Variants in CCDC149 observed in about 807,000 individuals in gnomAD.
CCDC149 encodes coiled-coil domain containing 149, also known as coiled-coil domain-containing protein 149.
A neutral mutation model predicts 59.9 loss-of-function variants in CCDC149; 45 were observed. The observed-to-expected ratio is 0.75, with a 90% CI of 0.59 to 0.96. The LOEUF (loss-of-function observed/expected upper bound fraction) is 0.96, where lower values mean the gene tolerates loss of function less well. Among genes scored for constraint, CCDC149 ranks in the 40% least tolerant of loss-of-function variants. CCDC149 has a pLI of 0.00. For synonymous variants in CCDC149, 245 were observed against 260.6 expected, an observed-to-expected ratio of 0.94 and a Z score of 0.58; for missense variants, 584 against 664.7, an observed-to-expected ratio of 0.88 and a Z score of 1.33.
Position 24,819,891 on chromosome 4 carries a change from T to C in CCDC149, c.1160A>G (p.Gln387Arg), listed in dbSNP as rs1416653097. 1 of 1,551,732 alleles carries C rather than the reference T, an allele frequency of 6.4e-7. No homozygotes were observed. The highest frequency in any genetic ancestry group is 2.4e-5 in the East Asian group (1 of 40,924). Residue 387 changes from glutamine (Q) to arginine (R), a missense_variant, in exon 12 of 13, where the codon CAG becomes CGG. Physicochemically the swap from Gln to Arg is conservative, Grantham distance 43 (BLOSUM62 1). Transcript: ENST00000635206. ...GGGATCTGCTTTGTTCTCAGTGGGCTGCTCGACAAACTTCAGCAGTGGGGA... is the reference window on the plus strand; with the variant it reads ...GGGATCTGCTTTGTTCTCAGTGGGCCGCTCGACAAACTTCAGCAGTGGGGA...
intron 1 of CCDC149, among the ~76,000 whole-genome samples, chr4:24,893,282 G>C (rs1306707819): frequency 1.3e-5 from 2 of 152,148 alleles, no homozygotes; most frequent in Non-Finnish European, 1.5e-5. Flanking sequence ...TTGTAAGCCA[G>C]CATGCCAGCC....
intron 1 of CCDC149, among the ~76,000 whole-genome samples, chr4:24,952,435 T>C (rs1723318605): frequency 6.6e-6 from 1 of 150,812 alleles, no homozygotes; most frequent in African/African-American, 2.4e-5. Context: ...CTACTAAAAA[T>C]ACAACAATTA....
intron 1 of CCDC149, among the ~76,000 whole-genome samples, chr4:24,941,813 C>G (rs1478031371): frequency 6.6e-6 from 1 of 152,140 alleles, no homozygotes; most frequent in African/African-American, 2.4e-5. Flanking sequence ...GGATAAATTC[C>G]TTGACACATG....
chr4:24,831,749 C>A, intron 8 of CCDC149, 99 bp from the exon 9 acceptor site: 2 of 1,054,870 alleles, frequency 1.9e-6, no homozygotes, highest in Non-Finnish European at 2.7e-6. Context: ...ATGTCCCCAG[C>A]TTCAAAATGC....
At chr4:24,853,217 T>A (rs1363599356) in intron 3 of CCDC149, 38 bp from the exon 4 acceptor site, 1 of 1,454,676 alleles carries the variant, frequency 6.9e-7, no homozygotes, top group Non-Finnish European at 9.6e-7. Flanking sequence ...CAATCAGAAA[T>A]GGAGGAGTGG....
chr4:24,916,644 G>C (rs1317381396), upstream of CCDC149, among the ~76,000 whole-genome samples: 4 of 152,164 alleles, frequency 2.6e-5, no homozygotes, highest in Non-Finnish European at 5.9e-5. Flanking sequence ...ATCTCCAGTA[G>C]AGATTTTGGC....
chr4:24,952,905 C>G (rs1260544733), intron 1 of CCDC149, among the ~76,000 whole-genome samples: 1 of 151,868 alleles, frequency 6.6e-6, no homozygotes. Context: ...ACTTCAGACA[C>G]CTCATGTAAG....
intron 1 of CCDC149, among the ~76,000 whole-genome samples, chr4:24,903,377 C>G (rs1040363280): frequency 6.6e-6 from 1 of 152,110 alleles, no homozygotes; most frequent in Non-Finnish European, 1.5e-5. Flanking sequence ...TAGTCAGTCT[C>G]CAAGAAGGAA....
intron 3 of CCDC149, among the ~76,000 whole-genome samples, chr4:24,864,259 T>A (rs1456087924): frequency 6.6e-6 from 1 of 152,202 alleles, no homozygotes; most frequent in African/African-American, 2.4e-5. Flanking sequence ...AGGTTAGGTA[T>A]CATTAAATAA....
At chr4:24,893,448 T>C (rs1258439489) in intron 1 of CCDC149, among the ~76,000 whole-genome samples, 1 of 152,124 alleles carries the variant, frequency 6.6e-6, no homozygotes, top group Non-Finnish European at 1.5e-5. Flanking sequence ...ACACCCAATA[T>C]TGTAAGACTT....
chr4:24,977,819 G>A (rs1026005499), intron 1 of CCDC149, among the ~76,000 whole-genome samples: 2 of 152,186 alleles, frequency 1.3e-5, no homozygotes, highest in African/African-American at 2.4e-5. Context: ...TACACACATA[G>A]TAACAAGGTA....
At chr4:24,923,493 G>C (rs888783778) in intron 1 of CCDC149, among the ~76,000 whole-genome samples, 1 of 152,132 alleles carries the variant, frequency 6.6e-6, no homozygotes, top group South Asian at 2.1e-4. Context: ...GAAAAAAAAG[G>C]TTTTCTTTGA....
intron 3 of CCDC149, among the ~76,000 whole-genome samples, chr4:24,857,704 G>T (rs899855785): frequency 3.3e-5 from 5 of 152,306 alleles, no homozygotes; most frequent in Admixed American, 6.5e-5. Context: ...TGGCTGAAAA[G>T]AAATCTACTA....
rs946322141 is a variant in CCDC149 at position 24,943,079 on chromosome 4, C to T, written c.-65+36990G>A. ...GTTCATATGGAACCAAAAAAGAGCCCGCATCGCCAAGTCAATCCTAAGCCA... is the reference window on the plus strand; with the variant it reads ...GTTCATATGGAACCAAAAAAGAGCCTGCATCGCCAAGTCAATCCTAAGCCA... On this transcript the variant is annotated intron_variant, in intron 1 of 12. Transcript: ENST00000389609. Among the ~76,000 whole-genome samples, 13 of 151,664 alleles carry T rather than the reference C, an allele frequency of 8.6e-5. No individual in the cohort carries two copies. The South Asian group carries it at 1.0e-3, about 12-fold the overall frequency.
At chr4:24,820,877 C>T (rs1715347376) in intron 11 of CCDC149, among the ~76,000 whole-genome samples, 178 bp downstream of exon 11, 1 of 152,204 alleles carries the variant, frequency 6.6e-6, no homozygotes, top group Admixed American at 6.5e-5. Context: ...GTCCCCAAAG[C>T]TAATGTCATC....
chr4:24,945,472 A>T (rs1415054593), intron 1 of CCDC149, among the ~76,000 whole-genome samples: 1 of 152,202 alleles, frequency 6.6e-6, no homozygotes, highest in African/African-American at 2.4e-5. Context: ...GGAACTAGGA[A>T]GAGGCAAGAA....
intron 1 of CCDC149, among the ~76,000 whole-genome samples, chr4:24,932,543 G>A (rs905320182): frequency 6.6e-6 from 1 of 152,156 alleles, no homozygotes; most frequent in African/African-American, 2.4e-5. Context: ...AAGTAAGGAA[G>A]TGTGGCTGCT....
chr4:24,824,746 G>A (rs996996857), intron 9 of CCDC149, among the ~76,000 whole-genome samples: 1 of 152,222 alleles, frequency 6.6e-6, no homozygotes, highest in Non-Finnish European at 1.5e-5. Flanking sequence ...CTGGTGGTGA[G>A]GCTGTATCGG....
intron 12 of CCDC149, among the ~76,000 whole-genome samples, chr4:24,814,243 A>C (rs932963605): frequency 1.3e-5 from 2 of 152,228 alleles, no homozygotes; most frequent in African/African-American, 2.4e-5. Context: ...AATGAAATAC[A>C]TGAATGTAAT....
Sources: allele counts gnomAD v4.1 joint callset (sites outside exome capture counted in the v4.1 genomes callset), GRCh38; gene constraint gnomAD v4.1.1; transcripts MANE v1.5; gene names NCBI Gene and HGNC (gene_info 2026-07-23, HGNC 2026-07-21).